ARGLU1: variants seen among roughly 807,000 people sequenced by gnomAD.
ARGLU1 encodes arginine and glutamate rich 1.
ARGLU1 carries 9 observed loss-of-function variants against 37.6 expected under a neutral mutation model. That is an observed-to-expected ratio of 0.24 (90% CI 0.14 to 0.42). The LOEUF is 0.42. ARGLU1 is among the 10% of genes least tolerant of loss of function. The probability of loss-of-function intolerance (pLI) is 1.00; values close to 1 mark genes in which losing one functional copy is unlikely to be tolerated. For synonymous variants in ARGLU1, 166 were observed against 138.5 expected, an observed-to-expected ratio of 1.20 and a Z score of -1.39; for missense variants, 211 against 359.2, an observed-to-expected ratio of 0.59 and a Z score of 3.34.
intron 3 of ARGLU1, 54 bp from the exon 4 acceptor site, chr13:106,544,214 G>A (rs565620741): frequency 1.4e-6 from 2 of 1,436,112 alleles, no homozygotes; most frequent in Admixed American, 2.6e-5. Flanking sequence ...ATTATCATAT[G>A]TACCCCTGCA....
At chr13:106,544,446 C>T (rs1216998125) in intron 3 of ARGLU1, among the ~76,000 whole-genome samples, 3 of 152,088 alleles carry the variant, frequency 2.0e-5, no homozygotes, top group Non-Finnish European at 2.9e-5. Flanking sequence ...TTATTAATTA[C>T]ATCTACATTT....
intron 3 of ARGLU1, among the ~76,000 whole-genome samples, chr13:106,546,106 C>A (rs1880383192): frequency 6.6e-6 from 1 of 152,124 alleles, no homozygotes; most frequent in Non-Finnish European, 1.5e-5. Flanking sequence ...GTTTTATATT[C>A]TCTGCCTAGA....
chr13:106,543,803 T>C lies in ARGLU1; in HGVS notation c.*193A>G. The C allele has an allele frequency of 2.1e-6, 1 of 486,612 alleles. No individual in the cohort carries two copies. Among genetic ancestry groups the C allele is most frequent in the Non-Finnish European group, 3.4e-6 (1 of 293,656 alleles). The allele number at this position is 486,612 out of a possible 1,614,324, so 30.1% of individuals were successfully genotyped here. A position where few individuals can be genotyped will look rare whatever the true frequency, so the allele number is the denominator to read the frequency against. On this transcript the variant is annotated 3_prime_UTR_variant, in exon 4 of 4. Coordinates refer to ENST00000400198, the MANE Select transcript of ARGLU1 (RefSeq NM_018011.4). ...TCCTTAGAATACAACAATGATCTGA[T>C]AAGGATTTGACTTAGTGGAAGGAAA...
chr13:106,552,012 T>C (rs1880544226), intron 3 of ARGLU1, among the ~76,000 whole-genome samples: 1 of 152,172 alleles, frequency 6.6e-6, no homozygotes. Context: ...TTCCAGGCAC[T>C]AGAATACAGA....
Position 106,541,844 on chromosome 13 carries a change from T to TAG in ARGLU1, c.*2151_*2152insCT, listed in dbSNP as rs1425488607. ...ATATTTAATAAATTAGGGAACATCT[T>TAG]AACTTCTAATAGACTGGGGGAAATT... On this transcript the variant is annotated 3_prime_UTR_variant, in exon 4 of 4. Transcript: ENST00000400198. The TAG allele has an allele frequency of 6.6e-6, 1 of 152,206 alleles. No individual in the cohort carries two copies. Among genetic ancestry groups the TAG allele is most frequent in the Admixed American group, 6.5e-5 (1 of 15,280 alleles). The allele number at this position is 152,206 out of a possible 1,614,324, so 9.4% of individuals were successfully genotyped here.
In ARGLU1 at chr13:106,566,086, G is replaced by T. The variant is rs1264287859; in HGVS notation, c.347+1487C>A. ...TTGATAGCTATTTGAGATCTTTACAGCTAAGGGCCTTGTTGCAGACCCAAA... is the reference window on the plus strand; with the variant it reads ...TTGATAGCTATTTGAGATCTTTACATCTAAGGGCCTTGTTGCAGACCCAAA... On this transcript the variant is annotated intron_variant, in intron 1 of 3. Coordinates refer to ENST00000400198, the MANE Select transcript of ARGLU1 (RefSeq NM_018011.4). Among the ~76,000 whole-genome samples the T allele has an allele frequency of 2.6e-5, 4 of 152,194 alleles. No individual in the cohort carries two copies. The East Asian group carries it at 7.7e-4, about 29-fold the overall frequency.
In ARGLU1 at chr13:106,543,450, T is replaced by C. The variant is rs936793206; in HGVS notation, c.*546A>G. Reference sequence around the variant, plus strand: ...GACAATACTGAACTGTATATATACTTTGTATCAGAGTTGACCAACTGTTTC... The same window carrying C: ...GACAATACTGAACTGTATATATACTCTGTATCAGAGTTGACCAACTGTTTC... On this transcript the variant is annotated 3_prime_UTR_variant, in exon 4 of 4. Transcript: ENST00000400198. 4 of 152,646 alleles carry C rather than the reference T, an allele frequency of 2.6e-5. No individual in the cohort carries two copies. The highest frequency in any genetic ancestry group is 9.7e-5 in the African/African-American group (4 of 41,442). The allele number at this position is 152,646 out of a possible 1,614,324, so 9.5% of individuals were successfully genotyped here.
chr13:106,559,893 C>A (rs995047535), intron 1 of ARGLU1, among the ~76,000 whole-genome samples: 2 of 151,938 alleles, frequency 1.3e-5, no homozygotes, highest in Non-Finnish European at 2.9e-5. Context: ...TACAGGAGAA[C>A]AGGTATATAC....
chr13:106,563,351 C>T (rs566590156), intron 1 of ARGLU1, among the ~76,000 whole-genome samples: 1 of 152,162 alleles, frequency 6.6e-6, no homozygotes, highest in African/African-American at 2.4e-5. Flanking sequence ...TTTCTAGACT[C>T]GAGCACACTG....
chr13:106,555,853 C>G (rs1880649500), intron 3 of ARGLU1, among the ~76,000 whole-genome samples: 1 of 152,180 alleles, frequency 6.6e-6, no homozygotes, highest in Admixed American at 6.5e-5. Flanking sequence ...GCTATCCAAT[C>G]TCTTTAACAT....
Position 106,543,926 on chromosome 13 carries a change from A to C in ARGLU1, c.*70T>G, listed in dbSNP as rs555744192. ...AAAAAAACAAAAACAAAAACAAAAA[A>C]CCACTTCAACATGAAGCTACCATAC... On this transcript the variant is annotated 3_prime_UTR_variant, in exon 4 of 4. Transcript: ENST00000400198. 6.9e-7 allele frequency: 1 copy of C among 1,458,790 alleles called. No individual in the cohort carries two copies. The highest frequency in any genetic ancestry group is 1.5e-5 in the African/African-American group (1 of 67,914). The allele number at this position is 1,458,790 out of a possible 1,614,324, so 90.4% of individuals were successfully genotyped here. A position where few individuals can be genotyped will look rare whatever the true frequency, so the allele number is the denominator to read the frequency against.
chr13:106,557,539 A>G lies in ARGLU1; in HGVS notation c.574-408T>C. ...CTTTACCTATACTCCTTTAATCAGC[A>G]TTAAAAGTTGAATATTTACTGTCTT... On this transcript the variant is annotated intron_variant, in intron 2 of 3. Transcript: ENST00000400198. The surrounding 1 kb of genome is among the most constrained non-coding windows in gnomAD (Gnocchi z 5.0). 6.3e-7 allele frequency: 1 copy of G among 1,594,194 alleles called. No individual in the cohort carries two copies. Among genetic ancestry groups the G allele is most frequent in the Non-Finnish European group, 8.5e-7 (1 of 1,169,730 alleles).
At chr13:106,554,712 C>T (rs1880618634) in intron 3 of ARGLU1, among the ~76,000 whole-genome samples, 1 of 151,808 alleles carries the variant, frequency 6.6e-6, no homozygotes, top group African/African-American at 2.4e-5. Context: ...TACTGAAACC[C>T]CGTCTCTACT....
At chr13:106,552,767 G>A (rs755227610) in intron 3 of ARGLU1, among the ~76,000 whole-genome samples, 8 of 151,998 alleles carry the variant, frequency 5.3e-5, no homozygotes, top group South Asian at 4.2e-4. Context: ...GTTATGTGTC[G>A]CCAACACTAA....
At chr13:106,564,763 T>C (rs1167867085) in intron 1 of ARGLU1, among the ~76,000 whole-genome samples, 3 of 152,208 alleles carry the variant, frequency 2.0e-5, no homozygotes, top group African/African-American at 4.8e-5. Context: ...TGATCAAGTC[T>C]GGATAAACTC....
chr13:106,544,247 C>A, intron 3 of ARGLU1, 87 bp from the exon 4 acceptor site: 1 of 1,219,838 alleles, frequency 8.2e-7, no homozygotes, highest in South Asian at 2.3e-5. Flanking sequence ...TATTATGTAT[C>A]TACAAAAAAA....
chr13:106,548,430 C>T (rs990278229), intron 3 of ARGLU1, among the ~76,000 whole-genome samples: 1 of 152,080 alleles, frequency 6.6e-6, no homozygotes, highest in Non-Finnish European at 1.5e-5. Context: ...CACAAGAAAG[C>T]AGTATTTGCA....
intron 3 of ARGLU1, among the ~76,000 whole-genome samples, chr13:106,547,506 A>G (rs1367180498): frequency 6.6e-6 from 1 of 152,242 alleles, no homozygotes; most frequent in African/African-American, 2.4e-5. Flanking sequence ...TACTGAAGAT[A>G]TATAAAGGAG....
rs915983110 is a variant in ARGLU1, at chr13:106,568,125, A to C, written c.-206T>G. The C allele has an allele frequency of 1.4e-6, 1 of 730,940 alleles. No homozygotes were observed. The highest frequency in any genetic ancestry group is 2.1e-6 in the Non-Finnish European group (1 of 485,126). 45.3% of individuals were successfully genotyped at this position (730,940 alleles called of 1,614,324 possible). A position where few individuals can be genotyped will look rare whatever the true frequency, so the allele number is the denominator to read the frequency against. On this transcript the variant is annotated 5_prime_UTR_variant, in exon 1 of 4. Coordinates refer to ENST00000400198, the MANE Select transcript of ARGLU1 (RefSeq NM_018011.4). ...AAACCCGTAGCGCCAGGCGCCCCTA[A>C]GATGGCAGCTGCGGCTGCACCGGCC... is the stretch of plus-strand genomic sequence containing the variant.
Sources: gnomAD v4.1 joint callset for allele counts (sites outside exome capture counted in the v4.1 genomes callset) on GRCh38, gnomAD v4.1.1 for gene constraint, Gnocchi (gnomAD v3.1) non-coding constraint, MANE v1.5 for transcripts, NCBI Gene and HGNC (gene_info 2026-07-23, HGNC 2026-07-21) for gene names.